Variants in SAMD12 observed in about 807,000 individuals in gnomAD.
The protein encoded by SAMD12 is sterile alpha motif domain-containing protein 12.
A neutral mutation model predicts 15.0 loss-of-function variants in SAMD12; 9 were observed. The ratio of observed to expected loss-of-function variants is 0.60; its 90% confidence interval spans 0.36 to 1.05. The LOEUF is 1.05. SAMD12 is among the 50% of genes least tolerant of loss of function. The pLI is 0.01. For missense variants in SAMD12, 230 were observed against 234.2 expected (o/e 0.98, Z 0.12); for synonymous variants, 86 against 90.1 (o/e 0.96, Z 0.25).
chr8:118,132,602 G>T, the SAMD12 span, among the ~76,000 whole-genome samples: 1 of 152,130 alleles, frequency 6.6e-6, no homozygotes, highest in African/African-American at 2.4e-5. Context: ...GAATTTTCTA[G>T]AACAAGTGTT....
intron 2 of SAMD12, among the ~76,000 whole-genome samples, chr8:118,520,505 G>GC (rs1825359771): frequency 6.6e-6 from 1 of 152,256 alleles, no homozygotes; most frequent in Admixed American, 6.5e-5. Context: ...CAATATAAAT[G>GC]CTCAGTGGAA....
intron 2 of SAMD12, among the ~76,000 whole-genome samples, chr8:118,550,426 T>C (rs1460498141): frequency 7.2e-5 from 11 of 152,082 alleles, no homozygotes; most frequent in East Asian, 3.8e-4. Flanking sequence ...TCCAGCCAAA[T>C]TAAGCTTCAT....
intron 4 of SAMD12, among the ~76,000 whole-genome samples, chr8:118,331,853 T>C (rs920028811): frequency 6.6e-6 from 1 of 152,194 alleles, no homozygotes; most frequent in African/African-American, 2.4e-5. Context: ...GAGGAAAGTA[T>C]GGTAATTTCT....
chr8:118,388,378 C>T (rs143055187), intron 3 of SAMD12, among the ~76,000 whole-genome samples: 2 of 152,186 alleles, frequency 1.3e-5, no homozygotes, highest in African/African-American at 4.8e-5. Context: ...TTTGCCTACA[C>T]TACATCTCTG....
chr8:118,450,346 C>G (rs992722105), intron 2 of SAMD12, among the ~76,000 whole-genome samples: 2 of 152,186 alleles, frequency 1.3e-5, no homozygotes, highest in African/African-American at 4.8e-5. Flanking sequence ...CCAGAATGCA[C>G]AGCCTGTCAA....
At chr8:118,454,910 A>G (rs1160303439) in intron 2 of SAMD12, among the ~76,000 whole-genome samples, 1 of 152,180 alleles carries the variant, frequency 6.6e-6, no homozygotes, top group African/African-American at 2.4e-5. Context: ...TGACTGGCTC[A>G]TTTCACTCAG....
intron 4 of SAMD12, among the ~76,000 whole-genome samples, chr8:118,299,003 A>G (rs1034744173): frequency 4.6e-5 from 7 of 152,260 alleles, no homozygotes; most frequent in Admixed American, 1.3e-4. Context: ...GGTTTCATAT[A>G]AGGTAGTGTG....
At chr8:118,288,048 C>G (rs933310911) in intron 4 of SAMD12, among the ~76,000 whole-genome samples, 12 of 152,074 alleles carry the variant, frequency 7.9e-5, no homozygotes, top group Non-Finnish European at 1.8e-4. Context: ...ACTGACTGTC[C>G]TGAAGACCAA....
intron 4 of SAMD12, among the ~76,000 whole-genome samples, chr8:118,352,576 T>G (rs1457635444): frequency 1.3e-5 from 2 of 152,140 alleles, no homozygotes; most frequent in Admixed American, 6.5e-5. Flanking sequence ...CACCAAAGAT[T>G]CATATTTAAC....
At chr8:118,311,367 C>T (rs145146055) in intron 4 of SAMD12, among the ~76,000 whole-genome samples, 2 of 152,300 alleles carry the variant, frequency 1.3e-5, no homozygotes, top group East Asian at 3.9e-4. Context: ...TAGAACACAG[C>T]CAAGCACATA....
chr8:118,551,566 A>T (rs1826336218), intron 2 of SAMD12, among the ~76,000 whole-genome samples: 1 of 152,220 alleles, frequency 6.6e-6, no homozygotes, highest in Non-Finnish European at 1.5e-5. Flanking sequence ...TGCCAACAAG[A>T]GAAAGCAAGA....
In SAMD12 at chr8:118,586,990, G is replaced by A. The variant is rs113034584; in HGVS notation, c.14-6097C>T. 4.3e-3 allele frequency among the ~76,000 whole-genome samples: 662 copies of A among 152,270 alleles called. 8 individuals are homozygous for A. The highest frequency in any genetic ancestry group is 0.015 in the African/African-American group (629 of 41,564). ...AATCACAAAACCATAAAGCTATCCT[G>A]AAACTACTGATTTATTTGACTGCCA... On this transcript the variant is annotated intron_variant, in intron 1 of 3. Transcript: ENST00000314727.
At chr8:118,305,916 A>G (rs1306658076) in intron 4 of SAMD12, among the ~76,000 whole-genome samples, 1 of 152,002 alleles carries the variant, frequency 6.6e-6, no homozygotes, top group Non-Finnish European at 1.5e-5. Context: ...CTCTCTATAT[A>G]TCACTTTGCT....
At chr8:118,321,160 T>G (rs1411746801) in intron 4 of SAMD12, among the ~76,000 whole-genome samples, 2 of 70,538 alleles carry the variant, frequency 2.8e-5, no homozygotes, top group African/African-American at 1.6e-4. Flanking sequence ...TATATATATA[T>G]ATATATATAT....
intron 4 of SAMD12, among the ~76,000 whole-genome samples, chr8:118,235,285 A>G (rs996554432): frequency 2.0e-5 from 3 of 151,420 alleles, no homozygotes; most frequent in Non-Finnish European, 4.4e-5. Flanking sequence ...ATCTCAGCTC[A>G]CTGCAACTTC....
intron 1 of SAMD12, among the ~76,000 whole-genome samples, chr8:118,582,426 A>G (rs1371652587): frequency 6.6e-6 from 1 of 152,160 alleles, no homozygotes; most frequent in Admixed American, 6.6e-5. Flanking sequence ...ATATTCAATG[A>G]TATTTCTTTA....
chr8:118,476,622 G>A (rs529792252), intron 2 of SAMD12, among the ~76,000 whole-genome samples: 1 of 152,292 alleles, frequency 6.6e-6, no homozygotes, highest in South Asian at 2.1e-4. Flanking sequence ...AAATCACATG[G>A]AGGGGCTTAC....
intron 4 of SAMD12, among the ~76,000 whole-genome samples, chr8:118,291,611 T>A (rs986343881): frequency 3.3e-5 from 5 of 152,112 alleles, no homozygotes; most frequent in Non-Finnish European, 5.9e-5. Context: ...TCCTCAGCTC[T>A]GAAGGGAAAT....
chr8:118,534,992 C>A (rs1371306138), intron 2 of SAMD12, among the ~76,000 whole-genome samples: 2 of 152,190 alleles, frequency 1.3e-5, no homozygotes, highest in African/African-American at 4.8e-5. Context: ...CCACTGCTGG[C>A]GAGGAGCTGC....
Sources: allele counts gnomAD v4.1 joint callset (sites outside exome capture counted in the v4.1 genomes callset), GRCh38; gene constraint gnomAD v4.1.1; transcripts MANE v1.5; gene names NCBI Gene and HGNC (gene_info 2026-07-23, HGNC 2026-07-21).